Variants in KANSL3 observed in about 807,000 individuals in gnomAD.
The protein encoded by KANSL3 is KAT8 regulatory NSL complex subunit 3, also known as NSL complex protein NSL3.
Under a neutral mutation model 89.2 loss-of-function variants are expected in KANSL3, and 16 were observed. The observed-to-expected ratio is 0.18, with a 90% CI of 0.12 to 0.27. The LOEUF is 0.27. Among genes scored for constraint, KANSL3 ranks in the 10% least tolerant of loss-of-function variants. KANSL3 has a pLI of 1.00. For synonymous variants in KANSL3, 385 were observed against 419.7 expected, an observed-to-expected ratio of 0.92 and a Z score of 1.01; for missense variants, 879 against 1,110.6, an observed-to-expected ratio of 0.79 and a Z score of 2.96.
the KANSL3 span, among the ~76,000 whole-genome samples, chr2:96,581,314 C>T: frequency 5.0e-4 from 76 of 152,158 alleles, no homozygotes; most frequent in African/African-American, 1.8e-3. Context: ...ATCCCTGCTA[C>T]TCAGGAGGCT....
chr2:96,617,315 T>G (rs1288672685), intron 5 of KANSL3, among the ~76,000 whole-genome samples: 1 of 152,144 alleles, frequency 6.6e-6, no homozygotes, highest in African/African-American at 2.4e-5. Context: ...CCAAAATAAG[T>G]ATTAGTTAAA....
intron 16 of KANSL3, 29 bp downstream of exon 16, chr2:96,604,750 T>C (rs912876301): frequency 1.3e-6 from 2 of 1,544,926 alleles, no homozygotes; most frequent in East Asian, 2.4e-5. Flanking sequence ...AAAAAAGGAA[T>C]AGACACAGAT....
chr2:96,636,794 T>C, intron 2 of KANSL3, 127 bp downstream of exon 2: 1 of 766,008 alleles, frequency 1.3e-6, no homozygotes, highest in Non-Finnish European at 2.1e-6. Flanking sequence ...GCTTAAGAGA[T>C]GCCTGAATTT....
At chr2:96,618,292 C>T (rs1425655320) in intron 5 of KANSL3, among the ~76,000 whole-genome samples, 1 of 152,128 alleles carries the variant, frequency 6.6e-6, no homozygotes, top group Non-Finnish European at 1.5e-5. Flanking sequence ...GAACTCACTA[C>T]AGCCTCCTCC....
chr2:96,606,779 AAAG>A, intron 14 of KANSL3: 1 of 305,258 alleles, frequency 3.3e-6, no homozygotes, highest in Non-Finnish European at 6.4e-6. Flanking sequence ...GAAGCAAACA[AAAG>A]AATGGAAAAA....
At chr2:96,597,656 G>A (rs569816526) in intron 20 of KANSL3, among the ~76,000 whole-genome samples, 3 of 152,198 alleles carry the variant, frequency 2.0e-5, no homozygotes, top group South Asian at 4.2e-4. Flanking sequence ...AGGCTGGAGT[G>A]CAATGGTACA....
At chr2:96,610,658 G>T in intron 11 of KANSL3, 68 bp downstream of exon 11, 1 of 1,565,592 alleles carries the variant, frequency 6.4e-7, no homozygotes, top group Non-Finnish European at 8.8e-7. Context: ...TAGTTACATT[G>T]CCAGCTTCCA....
rs1472559705 is a variant in KANSL3 at position 96,604,143 on chromosome 2, A to G, written c.2149+107T>C. 14 of 1,292,242 alleles carry G rather than the reference A, an allele frequency of 1.1e-5. No individual in the cohort carries two copies. The East Asian group carries it at 2.7e-4, about 25-fold the overall frequency. The allele number at this position is 1,292,242 out of a possible 1,614,324, so 80.0% of individuals were successfully genotyped here. A position where few individuals can be genotyped will look rare whatever the true frequency, so the allele number is the denominator to read the frequency against. ...CCTCTATGATCACTCTAAGACCCAGAGGCCCATCCTATGGATTTAGCTCCA... is the reference window on the plus strand; with the variant it reads ...CCTCTATGATCACTCTAAGACCCAGGGGCCCATCCTATGGATTTAGCTCCA... On this transcript the variant is annotated intron_variant, in intron 17 of 20. Transcript: ENST00000431828.
intron 11 of KANSL3, 60 bp from the exon 12 acceptor site, chr2:96,609,622 A>C: frequency 7.0e-7 from 1 of 1,421,538 alleles, no homozygotes; most frequent in East Asian, 2.3e-5. Context: ...TCCTATGAAA[A>C]TAAGAACGTA....
intron 3 of KANSL3, among the ~76,000 whole-genome samples, chr2:96,628,927 G>C (rs2106094616): frequency 6.6e-6 from 1 of 152,296 alleles, no homozygotes; most frequent in South Asian, 2.1e-4. Flanking sequence ...CCTTAATTAA[G>C]GCAGAGGGTA....
At chr2:96,592,431 T>C (rs954826655), downstream of KANSL3, among the ~76,000 whole-genome samples, 4 of 152,182 alleles carry the variant, frequency 2.6e-5, no homozygotes, top group African/African-American at 9.7e-5. Flanking sequence ...GGATCAAGGT[T>C]GAGGGACCCC....
downstream of KANSL3, among the ~76,000 whole-genome samples, chr2:96,588,312 G>C (rs1000498127): frequency 1.2e-4 from 19 of 152,200 alleles, no homozygotes; most frequent in African/African-American, 4.6e-4. Context: ...TATCTCATCA[G>C]AAAACAAGAA....
At chr2:96,591,028 C>A (rs1386824259), downstream of KANSL3, among the ~76,000 whole-genome samples, 1 of 149,648 alleles carries the variant, frequency 6.7e-6, no homozygotes, top group Non-Finnish European at 1.5e-5. Flanking sequence ...AAAACAAAAC[C>A]ACTGCACACA....
At position 96,601,740 on chromosome 2, in the gene KANSL3, C is replaced by A; in HGVS notation, c.2519G>T (p.Arg840Leu). The change falls in exon 20 of 21, where the codon CGT becomes CTT. Residue 840 changes from arginine (R) to leucine (L), a missense_variant. Physicochemically the swap from Arg to Leu is moderately radical, Grantham distance 102. Transcript: ENST00000431828. ...KVPTTITLTLRGQPSRITTLS... is the reference protein window; with the variant it reads ...KVPTTITLTLLGQPSRITTLS... ...TGTAGTGATCCTGCTCGGCTGGCCACGAAGTGTCAGAGTAATGGTGGTGGG... is the reference window on the plus strand; with the variant it reads ...TGTAGTGATCCTGCTCGGCTGGCCAAGAAGTGTCAGAGTAATGGTGGTGGG... 1 of 1,593,386 alleles carries A rather than the reference C, an allele frequency of 6.3e-7. No homozygotes were observed. The highest frequency in any genetic ancestry group is 8.5e-7 in the Non-Finnish European group (1 of 1,172,346).
chr2:96,587,148 GA>G, the KANSL3 span, among the ~76,000 whole-genome samples: 6 of 152,178 alleles, frequency 3.9e-5, no homozygotes, highest in Non-Finnish European at 8.8e-5. Flanking sequence ...GGCCAAGTGG[GA>G]AACTAAAACT....
chr2:96,589,589 C>G (rs192673259), downstream of KANSL3, among the ~76,000 whole-genome samples: 3 of 152,230 alleles, frequency 2.0e-5, no homozygotes, highest in African/African-American at 7.2e-5. Context: ...ATAGACAATT[C>G]CACAATTATA....
chr2:96,621,205 G>T (rs1009546683), intron 3 of KANSL3, among the ~76,000 whole-genome samples: 1 of 151,958 alleles, frequency 6.6e-6, no homozygotes, highest in Non-Finnish European at 1.5e-5. Context: ...AGACATAAAA[G>T]GAAGAAAGAG....
At chr2:96,624,008 T>C (rs1432894554) in intron 3 of KANSL3, among the ~76,000 whole-genome samples, 2 of 152,236 alleles carry the variant, frequency 1.3e-5, no homozygotes, top group African/African-American at 2.4e-5. Flanking sequence ...TTGTCCTGTT[T>C]CTTATTCCTC....
At chr2:96,625,313 C>A (rs1469045179) in intron 3 of KANSL3, among the ~76,000 whole-genome samples, 1 of 152,190 alleles carries the variant, frequency 6.6e-6, no homozygotes, top group Non-Finnish European at 1.5e-5. Flanking sequence ...TAGTATACTG[C>A]AGCCTTACCT....
Sources: allele counts gnomAD v4.1 joint callset (sites outside exome capture counted in the v4.1 genomes callset), GRCh38; gene constraint gnomAD v4.1.1; transcripts MANE v1.5; gene names NCBI Gene and HGNC (gene_info 2026-07-23, HGNC 2026-07-21).